Variants in IL1RAPL1 observed in about 807,000 individuals in gnomAD.
IL1RAPL1 encodes the protein interleukin 1 receptor accessory protein like 1, also known as interleukin-1 receptor accessory protein-like 1.
In IL1RAPL1, 3 loss-of-function variants were observed where a neutral mutation model predicts 48.4. The observed-to-expected ratio is 0.06, with a 90% CI of 0.03 to 0.16. The LOEUF (loss-of-function observed/expected upper bound fraction) is 0.16. Ranked by LOEUF, IL1RAPL1 falls within the 10% of genes least tolerant of loss-of-function variation. IL1RAPL1 has a pLI of 1.00. For missense variants in IL1RAPL1, 349 were observed against 530.6 expected, an observed-to-expected ratio of 0.66 and a Z score of 3.36; for synonymous variants, 185 against 187.7, an observed-to-expected ratio of 0.99 and a Z score of 0.12.
At chrX:29,933,777 A>G (rs1932987639) in intron 8 of IL1RAPL1, among the ~76,000 whole-genome samples, 1 of 111,165 alleles carries the variant, frequency 9.0e-6, no homozygotes, top group Non-Finnish European at 1.9e-5. Flanking sequence ...ATATTATGTT[A>G]TATAGTGATG....
intron 6 of IL1RAPL1, among the ~76,000 whole-genome samples, chrX:29,885,998 G>A (rs1375934767): frequency 8.9e-6 from 1 of 111,834 alleles, no homozygotes; most frequent in East Asian, 2.8e-4. Context: ...GATTTTGCAT[G>A]ATACAAGAAG....
intron 1 of IL1RAPL1, among the ~76,000 whole-genome samples, chrX:28,674,369 T>C (rs932207166): frequency 1.8e-5 from 2 of 111,376 alleles, no homozygotes; most frequent in Non-Finnish European, 3.8e-5. Context: ...CCCTTCCCTA[T>C]GCACTCAATG....
chrX:28,735,417 C>T (rs752161839), intron 1 of IL1RAPL1, among the ~76,000 whole-genome samples: 11 of 53,084 alleles, frequency 2.1e-4, no homozygotes, highest in Admixed American at 6.9e-4. Flanking sequence ...TACGTGTTCA[C>T]GCTCCAATCT....
At chrX:29,832,869 G>T (rs976653035) in intron 6 of IL1RAPL1, among the ~76,000 whole-genome samples, 1 of 109,824 alleles carries the variant, frequency 9.1e-6, no homozygotes, top group African/African-American at 3.3e-5. Context: ...CACTGTCAGG[G>T]ATAAAACAAA....
chrX:29,806,516 T>G (rs978179406), intron 6 of IL1RAPL1, among the ~76,000 whole-genome samples: 1 of 110,893 alleles, frequency 9.0e-6, no homozygotes, highest in Non-Finnish European at 1.9e-5. Context: ...TGATTATAAT[T>G]TTAAAGTAAT....
intron 5 of IL1RAPL1, among the ~76,000 whole-genome samples, chrX:29,567,708 T>C (rs1000730948): frequency 8.9e-6 from 1 of 111,784 alleles, no homozygotes; most frequent in African/African-American, 3.2e-5. Flanking sequence ...TAGGCTGACA[T>C]AGAAAGCAAT....
At chrX:29,550,079 G>A (rs1252226753) in intron 5 of IL1RAPL1, among the ~76,000 whole-genome samples, 1 of 111,918 alleles carries the variant, frequency 8.9e-6, no homozygotes, top group Non-Finnish European at 1.9e-5. Context: ...ACAACTAAAT[G>A]TACAGAATTC....
At chrX:29,238,062 GA>G (rs1450568679) in intron 2 of IL1RAPL1, among the ~76,000 whole-genome samples, 2 of 111,292 alleles carry the variant, frequency 1.8e-5, no homozygotes, top group African/African-American at 6.5e-5. Flanking sequence ...GTTGAGAATG[GA>G]AAAGAGTGCA....
At chrX:29,302,345 A>G (rs1351547850) in intron 3 of IL1RAPL1, among the ~76,000 whole-genome samples, 2 of 111,913 alleles carry the variant, frequency 1.8e-5, no homozygotes, top group Non-Finnish European at 3.8e-5. Flanking sequence ...AGAGAAAAGA[A>G]CAGAGTGTAA....
At chrX:29,575,549 G>A (rs1203414541) in intron 5 of IL1RAPL1, among the ~76,000 whole-genome samples, 1 of 111,936 alleles carries the variant, frequency 8.9e-6, no homozygotes, top group Non-Finnish European at 1.9e-5. Flanking sequence ...AGCTGCACTG[G>A]CAGCCAGTTG....
intron 6 of IL1RAPL1, among the ~76,000 whole-genome samples, chrX:29,699,399 G>A (rs1420150820): frequency 8.9e-6 from 1 of 112,476 alleles, no homozygotes; most frequent in African/African-American, 3.2e-5. Flanking sequence ...TGTCCAGCAT[G>A]CTGGATTCTA....
At chrX:29,626,251 T>C (rs1268117091) in intron 5 of IL1RAPL1, among the ~76,000 whole-genome samples, 1 of 112,208 alleles carries the variant, frequency 8.9e-6, no homozygotes, top group Non-Finnish European at 1.9e-5. Flanking sequence ...TGCTATTTTA[T>C]TAGCCCCAAA....
chrX:28,625,737 C>CGTGTGTGTGTGTGTGTGTGTGTGT (rs112613600), intron 1 of IL1RAPL1, among the ~76,000 whole-genome samples: 98 of 99,316 alleles, frequency 9.9e-4, no homozygotes, highest in Admixed American at 1.5e-3. Flanking sequence ...AATCAAAATG[C>CGTGTGTGTGTGTGTGTGTGTGTGT]GTGTGTGTGT....
At chrX:29,421,022 G>A (rs780340732) in intron 5 of IL1RAPL1, among the ~76,000 whole-genome samples, 2 of 111,761 alleles carry the variant, frequency 1.8e-5, no homozygotes, top group East Asian at 5.6e-4. Context: ...TTAAAAGCAT[G>A]CACAGCTCTG....
intron 5 of IL1RAPL1, among the ~76,000 whole-genome samples, chrX:29,648,014 A>G (rs770580856): frequency 9.8e-5 from 11 of 112,292 alleles, no homozygotes; most frequent in South Asian, 7.4e-4. Context: ...CTTAAATCAG[A>G]TAAAATAGAC....
At chrX:29,052,998 A>T (rs1452604002) in intron 2 of IL1RAPL1, among the ~76,000 whole-genome samples, 2 of 111,522 alleles carry the variant, frequency 1.8e-5, no homozygotes, top group Non-Finnish European at 3.8e-5. Flanking sequence ...ACTACCCATT[A>T]GTTATTTTTT....
intron 1 of IL1RAPL1, among the ~76,000 whole-genome samples, chrX:28,761,086 CAAA>C (rs34538764): frequency 1.1e-5 from 1 of 89,337 alleles, no homozygotes; most frequent in Non-Finnish European, 2.2e-5. Flanking sequence ...GACTCCTTCT[CAAA>C]AAAAAAAAAA....
At chrX:29,693,473 A>G (rs1248835075) in intron 6 of IL1RAPL1, among the ~76,000 whole-genome samples, 6 of 112,244 alleles carry the variant, frequency 5.3e-5, no homozygotes, top group Non-Finnish European at 1.1e-4. Context: ...AAAAAACTCT[A>G]CTTCTGTGTT....
chrX:29,045,040 A>G (rs1228447369), intron 2 of IL1RAPL1, among the ~76,000 whole-genome samples: 3 of 111,347 alleles, frequency 2.7e-5, no homozygotes, highest in Non-Finnish European at 5.6e-5. Flanking sequence ...AGGCAGCTCA[A>G]TAGAAGGAGC....
Sources: gnomAD v4.1 joint callset for allele counts (sites outside exome capture counted in the v4.1 genomes callset) on GRCh38, gnomAD v4.1.1 for gene constraint, MANE v1.5 for transcripts, NCBI Gene and HGNC (gene_info 2026-07-23, HGNC 2026-07-21) for gene names.